Variants in OSCP1 observed in about 807,000 individuals in gnomAD.
The protein encoded by OSCP1 is organic solute carrier partner 1.
A neutral mutation model predicts 45.1 loss-of-function variants in OSCP1; 35 were observed. The observed-to-expected ratio is 0.78, with a 90% confidence interval of 0.59 to 1.03. The LOEUF is 1.03. Ranked by LOEUF, OSCP1 falls within the 50% of genes least tolerant of loss-of-function variation. The pLI is 0.00. For missense variants in OSCP1, 400 were observed against 470.7 expected (o/e 0.85, Z 1.39); for synonymous variants, 179 against 180.1 (o/e 0.99, Z 0.05).
chr1:36,421,622 G>A (rs965459026), intron 7 of OSCP1, among the ~76,000 whole-genome samples: 3 of 152,122 alleles, frequency 2.0e-5, no homozygotes, highest in South Asian at 2.1e-4. Context: ...CGTCAGCTTC[G>A]TGTCCCTGGG....
At chr1:36,435,372 C>T (rs1482942645) in intron 2 of OSCP1, among the ~76,000 whole-genome samples, 2 of 151,544 alleles carry the variant, frequency 1.3e-5, no homozygotes, top group African/African-American at 2.4e-5. Flanking sequence ...GTGTTGAACT[C>T]CCAGGCTCAA....
Position 36,422,756 on chromosome 1 carries a change from G to A in OSCP1, c.749+12C>T. 1 of 1,558,358 alleles carries A rather than the reference G, an allele frequency of 6.4e-7. No individual in the cohort carries two copies. Among genetic ancestry groups the A allele is most frequent in the South Asian group, 1.2e-5 (1 of 82,776 alleles). On this transcript the variant is annotated intron_variant, in intron 6 of 9. Coordinates refer to ENST00000235532, the MANE Select transcript of OSCP1 (RefSeq NM_145047.5). ...CTTGGACTTGAATTCACTCAGAGAA[G>A]AATTTGCTTACATGTTAGTTCCCAG...
intron 2 of OSCP1, among the ~76,000 whole-genome samples, chr1:36,437,022 A>G (rs1224388043): frequency 6.6e-6 from 1 of 152,198 alleles, no homozygotes; most frequent in Non-Finnish European, 1.5e-5. Context: ...ATGTCAGGGT[A>G]CATACTGGCA....
intron 4 of OSCP1, chr1:36,428,332 G>A: frequency 6.2e-7 from 1 of 1,611,466 alleles, no homozygotes; most frequent in Admixed American, 1.7e-5. Flanking sequence ...ATTTTGCCCA[G>A]GTACAAAACT....
intron 4 of OSCP1, among the ~76,000 whole-genome samples, chr1:36,428,064 C>A (rs1256543460): frequency 6.6e-6 from 1 of 151,746 alleles, no homozygotes; most frequent in Non-Finnish European, 1.5e-5. Flanking sequence ...GCGGTGTGCA[C>A]CTGTAATCCC....
At chr1:36,446,569 A>G (rs533163958) in intron 1 of OSCP1, among the ~76,000 whole-genome samples, 1 of 152,362 alleles carries the variant, frequency 6.6e-6, no homozygotes, top group Non-Finnish European at 1.5e-5. Flanking sequence ...CTGAGAATAC[A>G]GGGAAGAGAA....
Position 36,422,839 on chromosome 1 carries a change from G to A in OSCP1, c.678C>T (p.Asn226=). ...VKRIEFKHGG[N]YVPAPKEGSF... ...AACCTTCTTTGGGTGCAGGGACATA[G>A]TTTCCACCATGCTTGAATTCTATCC... Residue 226 remains asparagine (N), a synonymous_variant, in exon 6 of 10, where the codon AAC becomes AAT. Transcript: ENST00000235532. The A allele has an allele frequency of 6.2e-7, 1 of 1,610,456 alleles. No individual in the cohort carries two copies. The highest frequency in any genetic ancestry group is 8.5e-7 in the Non-Finnish European group (1 of 1,178,000).
chr1:36,442,545 T>C (rs1034417471), intron 1 of OSCP1, among the ~76,000 whole-genome samples: 1 of 152,208 alleles, frequency 6.6e-6, no homozygotes, highest in Admixed American at 6.5e-5. Context: ...GTACTTCAAT[T>C]GGGCTTTTTT....
At chr1:36,434,768 A>G (rs1648604177) in intron 2 of OSCP1, among the ~76,000 whole-genome samples, 1 of 151,468 alleles carries the variant, frequency 6.6e-6, no homozygotes, top group Non-Finnish European at 1.5e-5. Context: ...AAAAAAAAAA[A>G]AAAGAAATTA....
chr1:36,435,478 G>C (rs1445124363), intron 2 of OSCP1, among the ~76,000 whole-genome samples: 5 of 152,002 alleles, frequency 3.3e-5, no homozygotes, highest in Non-Finnish European at 7.4e-5. Context: ...AGAGAGAAGA[G>C]CAAGCAGAAC....
chr1:36,437,611 T>A (rs1648834269), intron 2 of OSCP1, among the ~76,000 whole-genome samples: 2 of 152,104 alleles, frequency 1.3e-5, no homozygotes, highest in Admixed American at 6.5e-5. Flanking sequence ...CTCCGCCTCC[T>A]GGGTTCAAGT....
intron 9 of OSCP1, chr1:36,418,543 G>T: frequency 2.1e-6 from 1 of 465,148 alleles, no homozygotes; most frequent in Middle Eastern, 5.9e-4. Flanking sequence ...TGACAATACA[G>T]CACTTAACAG....
chr1:36,441,624 C>G (rs577841068), intron 1 of OSCP1, among the ~76,000 whole-genome samples: 1 of 151,322 alleles, frequency 6.6e-6, no homozygotes, highest in Non-Finnish European at 1.5e-5. Flanking sequence ...TGATGGCGGG[C>G]GCCTGCAGTC....
intron 1 of OSCP1, among the ~76,000 whole-genome samples, chr1:36,446,462 G>A (rs1482089406): frequency 3.3e-5 from 5 of 152,204 alleles, no homozygotes; most frequent in East Asian, 1.9e-4. Context: ...AGTGACTCTC[G>A]CTGATAAAAT....
At chr1:36,441,849 C>CT in intron 1 of OSCP1, among the ~76,000 whole-genome samples, 1 of 150,796 alleles carries the variant, frequency 6.6e-6, no homozygotes, top group Non-Finnish European at 1.5e-5. Context: ...GCCCATTAGT[C>CT]TAAGTGTTGG....
At chr1:36,439,572 AAAATT>A (rs1489043656) in intron 1 of OSCP1, among the ~76,000 whole-genome samples, 2 of 152,228 alleles carry the variant, frequency 1.3e-5, no homozygotes, top group Non-Finnish European at 2.9e-5. Context: ...ATTTTTACTT[AAAATT>A]AAATATTATA....
chr1:36,433,189 A>G (rs76492606), intron 2 of OSCP1, among the ~76,000 whole-genome samples: 15,651 of 152,278 alleles, frequency 0.1, 958 homozygotes, highest in East Asian at 0.29. Context: ...ACCATACATG[A>G]AAGATCAGAA....
At chr1:36,432,762 G>A (rs1648460541) in intron 2 of OSCP1, among the ~76,000 whole-genome samples, 173 bp from the exon 3 acceptor site, 2 of 152,124 alleles carry the variant, frequency 1.3e-5, no homozygotes, top group South Asian at 2.1e-4. Context: ...GAGTCAAGGC[G>A]GGTGCTTTTA....
chr1:36,418,883 A>C, intron 9 of OSCP1, 108 bp downstream of exon 9: 1 of 888,726 alleles, frequency 1.1e-6, no homozygotes, highest in Non-Finnish European at 1.8e-6. Context: ...AGCTGAGATC[A>C]AGCCACTGCA....
Sources: gnomAD v4.1 joint callset for allele counts (sites outside exome capture counted in the v4.1 genomes callset) on GRCh38, gnomAD v4.1.1 for gene constraint, MANE v1.5 for transcripts, NCBI Gene and HGNC (gene_info 2026-07-23, HGNC 2026-07-21) for gene names.